Variants in ZNF609 observed in about 807,000 individuals in gnomAD.
ZNF609 encodes zinc finger protein 609.
A neutral mutation model predicts 109.5 loss-of-function variants in ZNF609; 11 were observed. The ratio of observed to expected loss-of-function variants is 0.10; its 90% CI spans 0.06 to 0.17. The LOEUF (loss-of-function observed/expected upper bound fraction) is 0.17. ZNF609 is among the 10% of genes least tolerant of loss of function. The probability of loss-of-function intolerance (pLI) is 1.00; values close to 1 mark genes in which losing one functional copy is unlikely to be tolerated. For missense variants in ZNF609, 1,559 were observed against 1,772.4 expected (o/e 0.88, Z 2.16); for synonymous variants, 646 against 662.0 (o/e 0.98, Z 0.37).
At position 64,460,785 on chromosome 15, in the gene ZNF609, A is replaced by G. The variant is rs1485161637; in HGVS notation, c.-181A>G. On this transcript the variant is annotated 5_prime_UTR_variant, in exon 1 of 10. Transcript: ENST00000326648. ...TGGGCCCCGTAGCAGCGGCGGCTCT[A>G]CGGCCCGGGGCCCCGGGCGGGCGGA... 3 of 146,672 alleles carry G rather than the reference A, an allele frequency of 2.0e-5. No homozygotes were observed. The Admixed American group carries it at 2.0e-4, about 10-fold the overall frequency. The allele number at this position is 146,672 out of a possible 1,614,324, so 9.1% of individuals were successfully genotyped here. A position where few individuals can be genotyped will look rare whatever the true frequency, so the allele number is the denominator to read the frequency against.
At chr15:64,612,249 G>A (rs1210139306) in intron 2 of ZNF609, among the ~76,000 whole-genome samples, 1 of 150,358 alleles carries the variant, frequency 6.7e-6, no homozygotes, top group African/African-American at 2.5e-5. Flanking sequence ...CCAGGTTCAC[G>A]CCATTCTCCT....
At chr15:64,498,771 A>AT (rs1281877961) in intron 1 of ZNF609, among the ~76,000 whole-genome samples, 3 of 152,104 alleles carry the variant, frequency 2.0e-5, no homozygotes, top group African/African-American at 7.2e-5. Flanking sequence ...ATTCTTAACC[A>AT]TAAGACTTTT....
intron 1 of ZNF609, among the ~76,000 whole-genome samples, chr15:64,490,679 T>C (rs183268025): frequency 6.3e-4 from 96 of 152,316 alleles, no homozygotes; most frequent in African/African-American, 2.2e-3. Flanking sequence ...TGGATCACTT[T>C]CACCAAATGA....
chr15:64,515,815 G>A (rs1237433278), intron 2 of ZNF609, among the ~76,000 whole-genome samples: 1 of 152,088 alleles, frequency 6.6e-6, no homozygotes. Flanking sequence ...GCACACGCCT[G>A]TAATCCCAGC....
chr15:64,467,804 C>G (rs1289211745), intron 1 of ZNF609, among the ~76,000 whole-genome samples: 5 of 152,082 alleles, frequency 3.3e-5, no homozygotes, highest in African/African-American at 9.7e-5. Flanking sequence ...GAGATCGTGC[C>G]ACTGCATTCC....
At chr15:64,534,450 G>A (rs1894109757) in intron 2 of ZNF609, among the ~76,000 whole-genome samples, 1 of 152,114 alleles carries the variant, frequency 6.6e-6, no homozygotes, top group Non-Finnish European at 1.5e-5. Context: ...AAGTAGCTGG[G>A]ATTGTAGGCA....
intron 2 of ZNF609, among the ~76,000 whole-genome samples, chr15:64,598,769 T>G: frequency 7.8e-6 from 1 of 127,708 alleles, no homozygotes; most frequent in East Asian, 2.1e-4. Context: ...TATATATATA[T>G]ATATATATAT....
intron 2 of ZNF609, among the ~76,000 whole-genome samples, chr15:64,573,251 T>C (rs1316313016): frequency 6.6e-6 from 1 of 150,520 alleles, no homozygotes; most frequent in Non-Finnish European, 1.5e-5. Flanking sequence ...AGCAGTCAAC[T>C]GACAAGTCCC....
chr15:64,514,628 T>C (rs1179430741), intron 2 of ZNF609, among the ~76,000 whole-genome samples: 3 of 152,114 alleles, frequency 2.0e-5, no homozygotes, highest in Non-Finnish European at 2.9e-5. Flanking sequence ...CTTTAGATTC[T>C]ATCTAAACTA....
intron 1 of ZNF609, among the ~76,000 whole-genome samples, chr15:64,473,323 C>G (rs1015479037): frequency 6.6e-6 from 1 of 150,840 alleles, no homozygotes; most frequent in Non-Finnish European, 1.5e-5. Context: ...CTCAGCCTCC[C>G]AAGTAGCTGG....
chr15:64,586,246 A>C (rs1388508512), intron 2 of ZNF609, among the ~76,000 whole-genome samples: 1 of 151,930 alleles, frequency 6.6e-6, no homozygotes. Context: ...GAATTGCTTG[A>C]ACCCGGGAGG....
Position 64,654,722 on chromosome 15 carries a change from T to C in ZNF609, c.974-15624T>C, listed in dbSNP as rs75041679. On this transcript the variant is annotated intron_variant, in intron 3 of 9. Transcript: ENST00000326648. Reference sequence around the variant, plus strand: ...ACTACAGATAGGAAGTCATTAAAGATTGATTATTAAGTGATAGGTATAGGT... The same window carrying C: ...ACTACAGATAGGAAGTCATTAAAGACTGATTATTAAGTGATAGGTATAGGT... Among the ~76,000 whole-genome samples the C allele has an allele frequency of 8.9e-3, 1,357 of 152,276 alleles. 23 individuals are homozygous for C. The highest frequency in any genetic ancestry group is 0.031 in the African/African-American group (1,292 of 41,554).
chr15:64,479,284 ATTTTTTTTT>A (rs34496032), intron 1 of ZNF609, among the ~76,000 whole-genome samples: 1 of 86,530 alleles, frequency 1.2e-5, no homozygotes, highest in East Asian at 3.9e-4. Flanking sequence ...TACCTGTGTG[ATTTTTTTTT>A]TTTTTTTTTT....
intron 2 of ZNF609, among the ~76,000 whole-genome samples, chr15:64,587,032 A>C (rs1223316361): frequency 6.6e-6 from 1 of 152,164 alleles, no homozygotes; most frequent in South Asian, 2.1e-4. Flanking sequence ...GTTGCTTTCT[A>C]GAAGAGGATC....
At position 64,680,718 on chromosome 15, in the gene ZNF609, A is replaced by G. The variant is rs1237335800; in HGVS notation, c.4018A>G (p.Ser1340Gly). 6.8e-6 allele frequency: 11 copies of G among 1,611,934 alleles called. No individual in the cohort carries two copies. The highest frequency in any genetic ancestry group is 8.5e-6 in the Non-Finnish European group (10 of 1,179,454). ...GVVGGGGSCS[S>G]VGGASGGERS... ...GGTTGGGGGTGGTGGCAGCTGTAGC[A>G]GCGTCGGGGGAGCAAGTGGGGGTGA... Residue 1340 changes from serine to glycine, a missense_variant, in exon 8 of 10, where the codon AGC becomes GGC. Around this residue, in one of 4 missense-constraint regions of ZNF609, gnomAD observed 1,204 missense variants for 1,314.1 expected, o/e 0.92. Transcript: ENST00000326648.
chr15:64,649,114 C>T (rs1407086207), intron 3 of ZNF609, among the ~76,000 whole-genome samples: 1 of 151,540 alleles, frequency 6.6e-6, no homozygotes, highest in East Asian at 1.9e-4. Flanking sequence ...AGTCAAATAT[C>T]TATAGTGACT....
rs538954214 is a variant in ZNF609 at position 64,628,687 on chromosome 15, G to A, written c.973+5635G>A. On this transcript the variant is annotated intron_variant, in intron 3 of 9. Coordinates refer to ENST00000326648, the MANE Select transcript of ZNF609 (RefSeq NM_015042.2). Reference sequence around the variant, plus strand: ...CTTGCCCAGGCTGGAGTGCAATGGCGTGATCTCGGCTCACTGCAACCTCCA... The same window carrying A: ...CTTGCCCAGGCTGGAGTGCAATGGCATGATCTCGGCTCACTGCAACCTCCA... Among the ~76,000 whole-genome samples the A allele has an allele frequency of 8.5e-5, 13 of 152,166 alleles. No individual in the cohort carries two copies. The South Asian group carries it at 1.9e-3, about 22-fold the overall frequency.
intron 3 of ZNF609, among the ~76,000 whole-genome samples, chr15:64,641,477 G>A (rs1361499032): frequency 1.3e-5 from 2 of 151,974 alleles, no homozygotes; most frequent in Non-Finnish European, 2.9e-5. Context: ...GCCTCCCAAA[G>A]TGCTGGGATT....
At chr15:64,620,931 C>A (rs941753738) in intron 2 of ZNF609, among the ~76,000 whole-genome samples, 5 of 152,252 alleles carry the variant, frequency 3.3e-5, no homozygotes, top group African/African-American at 1.2e-4. Flanking sequence ...GTAAATTATT[C>A]CAGAATCAGA....
Sources: gnomAD v4.1 joint callset for allele counts (sites outside exome capture counted in the v4.1 genomes callset) on GRCh38, gnomAD v4.1.1 for gene constraint, gnomAD v4.1.1 regional missense constraint, MANE v1.5 for transcripts, NCBI Gene and HGNC (gene_info 2026-07-23, HGNC 2026-07-21) for gene names.